TMEM273: variants seen among roughly 807,000 people sequenced by gnomAD.
The protein encoded by TMEM273 is chromosome 10 open reading frame 128.
Under a neutral mutation model 17.9 loss-of-function variants are expected in TMEM273, and 19 were observed. The observed-to-expected ratio is 1.06, with a 90% CI of 0.74 to 1.55. TMEM273 has a LOEUF of 1.55. Ranked by LOEUF, TMEM273 falls within the 40% of genes most tolerant of loss-of-function variation. The probability of loss-of-function intolerance (pLI) is 0.00; values close to 1 mark genes in which losing one functional copy is unlikely to be tolerated. For missense variants in TMEM273, 194 were observed against 155.6 expected (o/e 1.25, Z -1.31); for synonymous variants, 66 against 62.0 (o/e 1.07, Z -0.31).
intron 1 of TMEM273, among the ~76,000 whole-genome samples, chr10:49,173,381 G>A (rs1278295813): frequency 6.6e-6 from 1 of 152,208 alleles, no homozygotes; most frequent in African/African-American, 2.4e-5. Flanking sequence ...TGAAGGAGGA[G>A]CTATACCACA....
At chr10:49,182,928 A>G (rs544751917) in intron 1 of TMEM273, among the ~76,000 whole-genome samples, 80 of 152,300 alleles carry the variant, frequency 5.3e-4, no homozygotes, top group African/African-American at 1.8e-3. Flanking sequence ...GATATCCCGA[A>G]TCAAATCACC....
chr10:49,177,421 C>T (rs904747127), intron 1 of TMEM273, among the ~76,000 whole-genome samples: 9 of 152,164 alleles, frequency 5.9e-5, no homozygotes, highest in African/African-American at 1.4e-4. Flanking sequence ...AGTGCTGACC[C>T]GGTTCCTGAA....
intron 6 of TMEM273, chr10:49,160,204 A>T (rs995483055): frequency 1.3e-5 from 2 of 152,124 alleles, no homozygotes; most frequent in African/African-American, 4.8e-5. Context: ...TCAAAGTGCC[A>T]CCCCTCGTAT....
Position 49,188,379 on chromosome 10 carries a change from G to A in TMEM273, c.-43C>T. 6.2e-7 allele frequency: 1 copy of A among 1,613,852 alleles called. No individual in the cohort carries two copies. Among genetic ancestry groups the A allele is most frequent in the Non-Finnish European group, 8.5e-7 (1 of 1,179,912 alleles). ...GGCTCCTGGCTCCTGGCTGCTGGCA[G>A]CGCAGGCACAATGAGCCATGTGACC... On this transcript the variant is annotated 5_prime_UTR_variant, in exon 1 of 7. Coordinates refer to ENST00000374153, the MANE Select transcript of TMEM273 (RefSeq NM_001288740.3).
At chr10:49,159,608 C>T (rs1282059079) in intron 6 of TMEM273, among the ~76,000 whole-genome samples, 1 of 152,078 alleles carries the variant, frequency 6.6e-6, no homozygotes, top group East Asian at 1.9e-4. Context: ...ATTGAAAGGG[C>T]CTAGAAGCAA....
chr10:49,160,476 G>A (rs1177735139), intron 6 of TMEM273: 2 of 152,046 alleles, frequency 1.3e-5, no homozygotes, highest in Non-Finnish European at 2.9e-5. Context: ...AGGATAAAAA[G>A]CAGAGGGGCT....
At chr10:49,186,062 A>AGAAGAG (rs1368878249) in intron 1 of TMEM273, among the ~76,000 whole-genome samples, 1 of 142,504 alleles carries the variant, frequency 7.0e-6, no homozygotes, top group Non-Finnish European at 1.5e-5. Context: ...AGGAAGAAGA[A>AGAAGAG]GAAGAGGAAG....
At chr10:49,167,303 C>T (rs1313666811) in intron 2 of TMEM273, among the ~76,000 whole-genome samples, 1 of 152,236 alleles carries the variant, frequency 6.6e-6, no homozygotes, top group African/African-American at 2.4e-5. Context: ...AGCCTCCTAG[C>T]CCTTCCTCAC....
chr10:49,185,281 A>G (rs1469614493), intron 1 of TMEM273, among the ~76,000 whole-genome samples: 1 of 152,174 alleles, frequency 6.6e-6, no homozygotes, highest in Admixed American at 6.5e-5. Context: ...TTTCTTTAAA[A>G]ACTTTCTACC....
intron 1 of TMEM273, among the ~76,000 whole-genome samples, chr10:49,172,035 G>A (rs1846607691): frequency 1.3e-5 from 2 of 152,230 alleles, no homozygotes. Context: ...AAAATAGGGA[G>A]AGGCTGCCCT....
intron 1 of TMEM273, among the ~76,000 whole-genome samples, chr10:49,174,520 G>C (rs1158146847): frequency 6.6e-6 from 1 of 152,176 alleles, no homozygotes; most frequent in East Asian, 1.9e-4. Flanking sequence ...AACCACCTGA[G>C]ATTTCTCTTC....
intron 6 of TMEM273, among the ~76,000 whole-genome samples, chr10:49,156,840 C>A (rs537905477): frequency 1.5e-4 from 23 of 152,100 alleles, no homozygotes; most frequent in Admixed American, 1.1e-3. Flanking sequence ...GGCAGTAGAA[C>A]CAACGTTAAA....
At chr10:49,165,697 A>C (rs1846131937) in intron 4 of TMEM273, 69 bp downstream of exon 4, 1 of 1,595,398 alleles carries the variant, frequency 6.3e-7, no homozygotes, top group African/African-American at 1.3e-5. Context: ...ATGACAGGCA[A>C]GGGAGTGGCA....
chr10:49,173,870 G>A (rs1350457245), intron 1 of TMEM273, among the ~76,000 whole-genome samples: 2 of 152,256 alleles, frequency 1.3e-5, no homozygotes, highest in South Asian at 2.1e-4. Flanking sequence ...AAGGGGGGGC[G>A]ATAGCGTTTC....
At position 49,155,828 on chromosome 10, in the gene TMEM273, T is replaced by C; in HGVS notation, c.*64A>G. ...TGTTTGAATGCAGAACATCCTGAGATGTTAACCATGGGCTGTTTTCCACGG... is the reference window on the plus strand; with the variant it reads ...TGTTTGAATGCAGAACATCCTGAGACGTTAACCATGGGCTGTTTTCCACGG... On this transcript the variant is annotated 3_prime_UTR_variant, in exon 7 of 7. Coordinates refer to ENST00000374153, the MANE Select transcript of TMEM273 (RefSeq NM_001288740.3). 1.2e-6 allele frequency: 2 copies of C among 1,613,536 alleles called. No individual in the cohort carries two copies. Among genetic ancestry groups the C allele is most frequent in the Non-Finnish European group, 1.7e-6 (2 of 1,179,650 alleles).
intron 1 of TMEM273, among the ~76,000 whole-genome samples, chr10:49,177,902 C>T (rs1205764314): frequency 6.6e-6 from 1 of 152,190 alleles, no homozygotes; most frequent in Non-Finnish European, 1.5e-5. Context: ...ACACCTTGAG[C>T]TCAGGCCACA....
At chr10:49,186,669 C>T (rs1847747715) in intron 1 of TMEM273, among the ~76,000 whole-genome samples, 1 of 152,178 alleles carries the variant, frequency 6.6e-6, no homozygotes, top group Non-Finnish European at 1.5e-5. Flanking sequence ...AATTCTTTGT[C>T]CAAGTTTTCC....
rs1416985902 is a variant in TMEM273, at chr10:49,186,371, T to C, written c.43+1923A>G. ...GTTGAATAATACCCTGTGAAATATT[T>C]TGGGAGGGTTTTACCATATTATTTC... On this transcript the variant is annotated intron_variant, in intron 1 of 6. Coordinates refer to ENST00000374153, the MANE Select transcript of TMEM273 (RefSeq NM_001288740.3). 5.3e-5 allele frequency among the ~76,000 whole-genome samples: 8 copies of C among 152,228 alleles called. No individual in the cohort carries two copies. The East Asian group carries it at 1.3e-3, about 26-fold the overall frequency.
intron 1 of TMEM273, among the ~76,000 whole-genome samples, chr10:49,175,712 G>GC (rs961052157): frequency 1.3e-3 from 191 of 152,052 alleles, no homozygotes; most frequent in Non-Finnish European, 1.5e-3. Flanking sequence ...AGGGGGCAGG[G>GC]CCCCCCCCAC....
Sources: allele counts gnomAD v4.1 joint callset (sites outside exome capture counted in the v4.1 genomes callset), GRCh38; gene constraint gnomAD v4.1.1; transcripts MANE v1.5; gene names NCBI Gene and HGNC (gene_info 2026-07-23, HGNC 2026-07-21).